PHF3: variants seen among roughly 807,000 people sequenced by gnomAD.
PHF3 encodes the protein PHD finger protein 3.
In PHF3, 41 loss-of-function variants were observed where a neutral mutation model predicts 178.4. That is an observed-to-expected ratio of 0.23 (90% confidence interval 0.18 to 0.30). The LOEUF is 0.30. Ranked by LOEUF, PHF3 falls within the 10% of genes least tolerant of loss-of-function variation. The probability of loss-of-function intolerance (pLI) is 1.00; values close to 1 mark genes in which losing one functional copy is unlikely to be tolerated. For synonymous variants in PHF3, 842 were observed against 800.5 expected (o/e 1.05, Z -0.88); for missense variants, 2,346 against 2,398.1 (o/e 0.98, Z 0.45).
At chr6:63,702,080 G>A (rs984458808) in intron 9 of PHF3, among the ~76,000 whole-genome samples, 13 of 152,110 alleles carry the variant, frequency 8.5e-5, no homozygotes, top group South Asian at 2.1e-4. Context: ...CTACCAGATC[G>A]GTCATTTGAA....
In PHF3 at chr6:63,704,759, TG is replaced by T. The variant is rs1767619904; in HGVS notation, c.3367+1090del. Among the ~76,000 whole-genome samples the T allele has an allele frequency of 2.0e-5, 3 of 152,148 alleles. No individual in the cohort carries two copies. The South Asian group carries it at 6.2e-4, about 32-fold the overall frequency. ...TTTCAGCTCCTTTGGGTAAATACCA[TG>T]GAGCACAATTGCTGGATTGTATGGT... On this transcript the variant is annotated intron_variant, in intron 11 of 15. Transcript: ENST00000262043.
In PHF3 at chr6:63,648,039, C is replaced by G. The variant is rs554885952; in HGVS notation, c.244+1244C>G. Among the ~76,000 whole-genome samples, 5 of 152,106 alleles carry G rather than the reference C, an allele frequency of 3.3e-5. No homozygotes were observed. In the East Asian group the frequency reaches 9.7e-4, roughly 29 times the overall value. ...TGGGAATAGGTGGTCTGCTGTTGGC[C>G]CTTAAGTTTGCCAGGTTACTCTGCC... On this transcript the variant is annotated intron_variant, in intron 2 of 15. Coordinates refer to ENST00000262043, the MANE Select transcript of PHF3 (RefSeq NM_001370348.2).
At chr6:63,658,934 T>C (rs886548397) in intron 2 of PHF3, among the ~76,000 whole-genome samples, 1 of 152,116 alleles carries the variant, frequency 6.6e-6, no homozygotes, top group African/African-American at 2.4e-5. Context: ...AGAATTTCTC[T>C]TATTCAGGGG....
chr6:63,680,983 C>G (rs773072558), intron 3 of PHF3, among the ~76,000 whole-genome samples: 1 of 152,000 alleles, frequency 6.6e-6, no homozygotes, highest in Admixed American at 6.6e-5. Context: ...TGCACCTCTT[C>G]CAGTAGTTTT....
Position 63,684,324 on chromosome 6 carries a change from G to T in PHF3, c.602G>T (p.Ser201Ile). 6.2e-7 allele frequency: 1 copy of T among 1,614,024 alleles called. No individual in the cohort carries two copies. The highest frequency in any genetic ancestry group is 8.5e-7 in the Non-Finnish European group (1 of 1,179,900). ...TACCATAAGGAGAATAGAAGGTGCA[G>T]CCGAAATAGCGGACAAATTGAAGTG... ...PEYHKENRRC[S>I]RNSGQIEVVP... Residue 201 changes from serine (S) to isoleucine (I), a missense_variant, in exon 4 of 16, where the codon AGC becomes ATC. Coordinates refer to ENST00000262043, the MANE Select transcript of PHF3 (RefSeq NM_001370348.2).
rs768266800 is a variant in PHF3, at chr6:63,684,882, C to A, written c.1160C>A (p.Thr387Asn). The A allele has an allele frequency of 4.3e-6, 7 of 1,614,020 alleles. No homozygotes were observed. In the East Asian group the frequency reaches 1.6e-4, roughly 36 times the overall value. ...GATACCATGGGTATTGCTGATAAAA[C>A]TGAGAACACCCTTGAAAGAAATAAA... is the stretch of plus-strand genomic sequence containing the variant. ...LKDTMGIADK[T>N]ENTLERNKIE... is the part of the protein sequence containing the mutation. The change falls in exon 4 of 16, where the codon ACT becomes AAT. Residue 387 changes from threonine (T) to asparagine (N), a missense_variant. Thr to Asn is a moderately conservative substitution (Grantham distance 65). This residue lies in a region of PHF3 where 843 missense variants were observed against 795.2 expected (regional missense o/e 1.06). Transcript: ENST00000262043.
At chr6:63,648,238 T>C (rs955841830) in intron 2 of PHF3, among the ~76,000 whole-genome samples, 4 of 152,250 alleles carry the variant, frequency 2.6e-5, no homozygotes, top group African/African-American at 9.6e-5. Flanking sequence ...TTTAAAATTT[T>C]GTTTTATGTA....
chr6:63,690,783 A>G (rs1766963654), intron 4 of PHF3, among the ~76,000 whole-genome samples: 3 of 152,216 alleles, frequency 2.0e-5, no homozygotes, highest in African/African-American at 7.2e-5. Flanking sequence ...CATGGGTTAA[A>G]AAGCAGGTAA....
intron 3 of PHF3, among the ~76,000 whole-genome samples, chr6:63,683,650 G>T (rs1022341763): frequency 3.9e-5 from 6 of 152,150 alleles, no homozygotes; most frequent in Admixed American, 3.3e-4. Flanking sequence ...TTTGAAACTC[G>T]CACAGATCCT....
In PHF3 at chr6:63,717,831, AT is replaced by A. The variant is rs948051870; in HGVS notation, c.*4130del. 1.3e-5 allele frequency among the ~76,000 whole-genome samples: 2 copies of A among 151,956 alleles called. No homozygotes were observed. The highest frequency in any genetic ancestry group is 2.9e-5 in the Non-Finnish European group (2 of 67,926). ...AGATAATTTTGTCCTCAAAGTAATG[AT>A]TTTTTTCAGGAACTTATTATTTATA... On this transcript the variant is annotated 3_prime_UTR_variant, in exon 16 of 16. Transcript: ENST00000262043.
At position 63,721,273 on chromosome 6, in the gene PHF3, G is replaced by T. The variant is rs760453601; in HGVS notation, c.*7565G>T. 2.6e-6 allele frequency: 4 copies of T among 1,551,930 alleles called. No individual in the cohort carries two copies. In the South Asian group the frequency reaches 3.6e-5, roughly 14 times the overall value. The stretch of plus-strand genomic sequence containing the variant: ...ATACATAAAGATTGGTGGAGGCAAA[G>T]ATTATTCAAACAGGACACAGACTGG... On this transcript the variant is annotated 3_prime_UTR_variant, in exon 16 of 16. Coordinates refer to ENST00000262043, the MANE Select transcript of PHF3 (RefSeq NM_001370348.2).
chr6:63,694,517 C>A, intron 5 of PHF3, 64 bp from the exon 6 acceptor site: 1 of 1,122,510 alleles, frequency 8.9e-7, no homozygotes, highest in Non-Finnish European at 1.2e-6. Context: ...TATTTTTGTA[C>A]GTCTTAAAAA....
At chr6:63,656,040 C>T (rs542019399) in intron 2 of PHF3, among the ~76,000 whole-genome samples, 1 of 152,356 alleles carries the variant, frequency 6.6e-6, no homozygotes, top group South Asian at 2.1e-4. Flanking sequence ...AACAATTGAA[C>T]TCAGAGTTAA....
chr6:63,694,603 C>A lies in PHF3; in HGVS notation c.2519C>A (p.Ser840Ter). 1 of 1,533,418 alleles carries A rather than the reference C, an allele frequency of 6.5e-7. No homozygotes were observed. The allele number at this position is 1,533,418 out of a possible 1,614,324, so 95.0% of individuals were successfully genotyped here. The change falls in exon 6 of 16, where the codon TCA (serine) becomes TAA (stop). Residue 840 changes from serine (S) to a stop codon, truncating the protein, a stop_gained. Coordinates refer to ENST00000262043, the MANE Select transcript of PHF3 (RefSeq NM_001370348.2). LOFTEE classifies it high-confidence loss of function. ...LKRESGEGRNSSDCRDNEIKK... is the reference protein window; with the variant it reads ...LKRESGEGRN ...CAGGAGTCTGGTGAAGGCAGAAATT[C>A]ATCAGACTGTAGAGATAATGAAATT...
intron 1 of PHF3, among the ~76,000 whole-genome samples, chr6:63,640,675 T>A (rs1209594484): frequency 1.3e-5 from 2 of 152,182 alleles, no homozygotes; most frequent in Non-Finnish European, 2.9e-5. Flanking sequence ...ACCAAACAAC[T>A]TTTAGTTCCA....
At chr6:63,653,950 T>C (rs1765125574) in intron 2 of PHF3, among the ~76,000 whole-genome samples, 1 of 152,250 alleles carries the variant, frequency 6.6e-6, no homozygotes, top group African/African-American at 2.4e-5. Flanking sequence ...ATTTCATATG[T>C]TAAACCATTC....
intron 14 of PHF3, among the ~76,000 whole-genome samples, chr6:63,709,651 A>G (rs1309207487): frequency 6.6e-6 from 1 of 152,234 alleles, no homozygotes; most frequent in African/African-American, 2.4e-5. Context: ...GCAGTCAAAC[A>G]TACCAAATAG....
chr6:63,700,033 C>T (rs1346285796), intron 8 of PHF3, among the ~76,000 whole-genome samples: 1 of 152,144 alleles, frequency 6.6e-6, no homozygotes, highest in Admixed American at 6.5e-5. Context: ...CAGTACCTCG[C>T]TATACTATAG....
rs1264671723 is a variant in PHF3, at chr6:63,716,667, G to A, written c.*2959G>A. ...GCATTCATTTTCTGGAGACTTTCAG[G>A]GAGATTCCTTTTTTTTTGCGCCTTG... On this transcript the variant is annotated 3_prime_UTR_variant, in exon 16 of 16. Transcript: ENST00000262043. Among the ~76,000 whole-genome samples, 2 of 151,818 alleles carry A rather than the reference G, an allele frequency of 1.3e-5. No homozygotes were observed. The highest frequency in any genetic ancestry group is 2.9e-5 in the Non-Finnish European group (2 of 67,944).
Sources: gnomAD v4.1 joint callset for allele counts (sites outside exome capture counted in the v4.1 genomes callset) on GRCh38, gnomAD v4.1.1 for gene constraint, gnomAD v4.1.1 regional missense constraint, MANE v1.5 for transcripts, NCBI Gene and HGNC (gene_info 2026-07-23, HGNC 2026-07-21) for gene names.